The following ZNRF3 variants were observed in gnomAD, a reference collection of about 807,000 sequenced individuals.
ZNRF3 encodes the protein E3 ubiquitin-protein ligase ZNRF3.
A neutral mutation model predicts 72.5 loss-of-function variants in ZNRF3; 23 were observed. That is an observed-to-expected ratio of 0.32 (90% CI 0.23 to 0.45). ZNRF3 has a LOEUF of 0.45. Among genes scored for constraint, ZNRF3 ranks in the 20% least tolerant of loss-of-function variants. ZNRF3 has a pLI of 1.00. For synonymous variants in ZNRF3, 610 were observed against 545.3 expected (o/e 1.12, Z -1.65); for missense variants, 1,169 against 1,272.1 (o/e 0.92, Z 1.23).
chr22:28,913,408 G>T (rs1485593223), intron 1 of ZNRF3, among the ~76,000 whole-genome samples: 1 of 152,186 alleles, frequency 6.6e-6, no homozygotes, highest in Non-Finnish European at 1.5e-5. Flanking sequence ...GGTGCTAGGG[G>T]ATATGGAGTG....
chr22:28,940,550 C>T lies in ZNRF3; in HGVS notation c.301-46526C>T, dbSNP rs571201177. Among the ~76,000 whole-genome samples, 4 of 144,604 alleles carry T rather than the reference C, an allele frequency of 2.8e-5. No homozygotes were observed. The South Asian group carries it at 6.6e-4, about 24-fold the overall frequency. The allele number at this position is 144,604 out of a possible 152,430, so 94.9% of individuals were successfully genotyped here. On this transcript the variant is annotated intron_variant, in intron 1 of 8. Coordinates refer to ENST00000544604, the MANE Select transcript of ZNRF3 (RefSeq NM_001206998.2). ...GATTGCTCCCTCTTAAGAGAGCCAA[C>T]GATTTAGAAAACTTAATCACAGGTT...
chr22:29,047,542 T>C (rs962783256), intron 6 of ZNRF3, among the ~76,000 whole-genome samples: 1 of 152,224 alleles, frequency 6.6e-6, no homozygotes, highest in Non-Finnish European at 1.5e-5. Context: ...TGGGTTCTAA[T>C]CCTGACCTGG....
chr22:28,889,857 G>T (rs902337754), intron 1 of ZNRF3, among the ~76,000 whole-genome samples: 1 of 152,138 alleles, frequency 6.6e-6, no homozygotes. Flanking sequence ...AGCACCTGTC[G>T]CTGTTGAAAT....
chr22:28,988,343 A>G (rs1283705082), intron 2 of ZNRF3, among the ~76,000 whole-genome samples: 1 of 152,146 alleles, frequency 6.6e-6, no homozygotes, highest in Non-Finnish European at 1.5e-5. Flanking sequence ...GGTGGTTTTG[A>G]AGCAGGGTGC....
chr22:28,914,293 G>T (rs375570848), intron 1 of ZNRF3, among the ~76,000 whole-genome samples: 1 of 152,118 alleles, frequency 6.6e-6, no homozygotes, highest in African/African-American at 2.4e-5. Context: ...TTGAATGGAA[G>T]TGCATTTTCC....
chr22:29,018,076 G>A, intron 2 of ZNRF3: 1 of 518,918 alleles, frequency 1.9e-6, no homozygotes, highest in South Asian at 1.4e-5. Context: ...AGATAGTGTG[G>A]GAGGGGAGGG....
intron 1 of ZNRF3, among the ~76,000 whole-genome samples, chr22:28,966,617 A>G (rs1401368476): frequency 6.6e-6 from 1 of 152,162 alleles, no homozygotes; most frequent in Non-Finnish European, 1.5e-5. Context: ...ATTTTTAACA[A>G]AAAAAGTTTA....
intron 1 of ZNRF3, among the ~76,000 whole-genome samples, chr22:28,952,640 GC>G (rs2035185983): frequency 1.3e-5 from 2 of 152,064 alleles, no homozygotes; most frequent in South Asian, 4.1e-4. Flanking sequence ...AGAGCAGTTT[GC>G]TTCTATTAAG....
At position 28,902,228 on chromosome 22, in the gene ZNRF3, C is replaced by T. The variant is rs148168554; in HGVS notation, c.300+18162C>T. Among the ~76,000 whole-genome samples the T allele has an allele frequency of 8.2e-4, 125 of 152,218 alleles. 1 individual carries two copies. The South Asian group carries it at 0.023, about 28-fold the overall frequency. ...CTGGGATTACAGGTGTGAGCCACCG[C>T]GCTTGGCAAGTTAACTTTCATTCAC... On this transcript the variant is annotated intron_variant, in intron 1 of 8. Transcript: ENST00000544604.
At chr22:28,949,100 C>T (rs2035107504) in intron 1 of ZNRF3, among the ~76,000 whole-genome samples, 1 of 152,058 alleles carries the variant, frequency 6.6e-6, no homozygotes, top group African/African-American at 2.4e-5. Flanking sequence ...TTGCCTCACC[C>T]TCATGAGTAG....
intron 2 of ZNRF3, among the ~76,000 whole-genome samples, chr22:29,014,459 C>G (rs1221649346): frequency 6.6e-6 from 1 of 152,174 alleles, no homozygotes; most frequent in African/African-American, 2.4e-5. Context: ...TCAGCAGCTG[C>G]AGCTGCTCAG....
intron 5 of ZNRF3, 45 bp downstream of exon 5, chr22:29,044,935 G>A (rs756267722): frequency 2.0e-5 from 27 of 1,374,126 alleles, no homozygotes; most frequent in Non-Finnish European, 2.6e-5. Flanking sequence ...CCCTCTTGCC[G>A]TGACACTGGG....
intron 1 of ZNRF3, among the ~76,000 whole-genome samples, chr22:28,915,010 C>T (rs193247073): frequency 5.3e-5 from 8 of 152,230 alleles, no homozygotes; most frequent in Middle Eastern, 3.4e-3. Context: ...AGAGGGGAGG[C>T]GTTCTCTTTT....
chr22:29,011,355 G>T (rs754934947), intron 2 of ZNRF3, among the ~76,000 whole-genome samples: 7 of 152,148 alleles, frequency 4.6e-5, no homozygotes, highest in African/African-American at 1.7e-4. Flanking sequence ...GGGTGCTCCT[G>T]TCCGTCTCCG....
At chr22:29,044,395 G>A (rs150453416) in intron 4 of ZNRF3, among the ~76,000 whole-genome samples, 2 of 152,240 alleles carry the variant, frequency 1.3e-5, no homozygotes, top group East Asian at 1.9e-4. Flanking sequence ...TTAATTATAC[G>A]GTTAGTAATC....
intron 1 of ZNRF3, among the ~76,000 whole-genome samples, chr22:28,931,592 G>A (rs1056228371): frequency 6.6e-6 from 1 of 152,202 alleles, no homozygotes; most frequent in African/African-American, 2.4e-5. Context: ...GGGAAACAAA[G>A]AGGCTACTAC....
At chr22:29,026,459 T>C (rs893546497) in intron 2 of ZNRF3, 1 of 152,210 alleles carries the variant, frequency 6.6e-6, no homozygotes, top group African/African-American at 2.4e-5. Flanking sequence ...AGAAAGCATG[T>C]GTTTCATTTT....
intron 1 of ZNRF3, among the ~76,000 whole-genome samples, chr22:28,908,146 A>T (rs2034247042): frequency 2.0e-5 from 3 of 152,258 alleles, no homozygotes; most frequent in Admixed American, 1.3e-4. Context: ...GCTTCTGTTC[A>T]GCTAAAACAA....
intron 2 of ZNRF3, among the ~76,000 whole-genome samples, chr22:29,006,232 T>TTTTTTTTA (rs2036241920): frequency 7.9e-6 from 1 of 126,234 alleles, no homozygotes; most frequent in South Asian, 2.7e-4. Context: ...TTTTTTTTTT[T>TTTTTTTTA]GAGACAGTTT....
Sources: allele counts gnomAD v4.1 joint callset (sites outside exome capture counted in the v4.1 genomes callset), GRCh38; gene constraint gnomAD v4.1.1; transcripts MANE v1.5; gene names NCBI Gene and HGNC (gene_info 2026-07-23, HGNC 2026-07-21).